The following PIBF1 variants were observed in gnomAD, a reference collection of about 807,000 sequenced individuals.
The protein encoded by PIBF1 is progesterone-induced-blocking factor 1.
A neutral mutation model predicts 112.5 loss-of-function variants in PIBF1; 90 were observed. That is an observed-to-expected ratio of 0.80 (90% CI 0.67 to 0.95). PIBF1 has a LOEUF of 0.95. PIBF1 is among the 40% of genes least tolerant of loss of function. PIBF1 has a pLI of 0.00. For missense variants in PIBF1, 915 were observed against 852.3 expected, an observed-to-expected ratio of 1.07 and a Z score of -0.92; for synonymous variants, 301 against 288.6, an observed-to-expected ratio of 1.04 and a Z score of -0.44.
intron 9 of PIBF1, among the ~76,000 whole-genome samples, chr13:72,836,291 T>A (rs2037358552): frequency 6.6e-6 from 1 of 152,104 alleles, no homozygotes; most frequent in Non-Finnish European, 1.5e-5. Flanking sequence ...AATGAGAAAA[T>A]TATTTTGAAA....
intron 17 of PIBF1, among the ~76,000 whole-genome samples, chr13:73,013,788 A>G (rs937887764): frequency 1.3e-5 from 2 of 151,998 alleles, no homozygotes; most frequent in African/African-American, 2.4e-5. Flanking sequence ...GCCCGAGGAA[A>G]ATAACACCTT....
chr13:73,016,205 G>GA lies in PIBF1; in HGVS notation c.*286_*287insA. 1 of 159,736 alleles carries GA rather than the reference G, an allele frequency of 6.3e-6. No individual in the cohort carries two copies. Among genetic ancestry groups the GA allele is most frequent in the Non-Finnish European group, 1.4e-5 (1 of 73,650 alleles). The allele number at this position is 159,736 out of a possible 1,614,324, so 9.9% of individuals were successfully genotyped here. The stretch of plus-strand genomic sequence containing the variant: ...TAAGTGTGTGGCTTATAAATATTTT[G>GA]GTATTTTTCTATACTACGTAAATTC... On this transcript the variant is annotated 3_prime_UTR_variant, in exon 18 of 18. Coordinates refer to ENST00000326291, the MANE Select transcript of PIBF1 (RefSeq NM_006346.4).
chr13:72,968,569 G>A (rs2042809995), intron 15 of PIBF1, among the ~76,000 whole-genome samples: 1 of 151,982 alleles, frequency 6.6e-6, no homozygotes, highest in Admixed American at 6.6e-5. Context: ...CCAAAGTGCT[G>A]GGATTACAGG....
At position 72,808,159 on chromosome 13, in the gene PIBF1, C is replaced by G. The variant is rs143931017; in HGVS notation, c.672+10133C>G. On this transcript the variant is annotated intron_variant, in intron 5 of 17. Transcript: ENST00000326291. ...TTTTTTGTGTGGACATGTTTTTTCTCTTGAGTAAGTACTTAAGTGTGGAAT... is the reference window on the plus strand; with the variant it reads ...TTTTTTGTGTGGACATGTTTTTTCTGTTGAGTAAGTACTTAAGTGTGGAAT... Among the ~76,000 whole-genome samples the G allele has an allele frequency of 1.1e-4, 17 of 151,098 alleles. No individual in the cohort carries two copies. In the East Asian group the frequency reaches 3.3e-3, roughly 29 times the overall value.
intron 10 of PIBF1, among the ~76,000 whole-genome samples, chr13:72,866,129 G>T (rs1409202825): frequency 1.3e-5 from 2 of 152,104 alleles, no homozygotes; most frequent in African/African-American, 4.8e-5. Flanking sequence ...CTGTCTTCAT[G>T]TGGCTTTCTC....
intron 14 of PIBF1, among the ~76,000 whole-genome samples, chr13:72,941,879 A>G (rs947384669): frequency 1.3e-5 from 2 of 152,154 alleles, no homozygotes; most frequent in African/African-American, 4.8e-5. Context: ...TACAGAGAGG[A>G]TGGGATTGTG....
At chr13:72,808,549 C>T (rs974399988) in intron 5 of PIBF1, among the ~76,000 whole-genome samples, 4 of 152,192 alleles carry the variant, frequency 2.6e-5, no homozygotes, top group African/African-American at 9.7e-5. Flanking sequence ...TGGTTGTACT[C>T]AAACAGCATA....
At chr13:72,919,662 A>G (rs112520091) in intron 13 of PIBF1, among the ~76,000 whole-genome samples, 3,370 of 152,244 alleles carry the variant, frequency 0.022, 136 homozygotes, top group African/African-American at 0.077. Context: ...CCTTCAAAAG[A>G]ATCTTTGTTA....
intron 10 of PIBF1, among the ~76,000 whole-genome samples, chr13:72,870,624 A>G (rs1029241421): frequency 3.9e-5 from 6 of 152,144 alleles, no homozygotes; most frequent in African/African-American, 1.4e-4. Context: ...ACATATATAC[A>G]TATTTATATT....
At chr13:72,996,815 C>A (rs1194427149) in intron 16 of PIBF1, among the ~76,000 whole-genome samples, 3 of 151,888 alleles carry the variant, frequency 2.0e-5, no homozygotes, top group African/African-American at 7.3e-5. Context: ...AATTTACCAT[C>A]GATATAAGTT....
intron 9 of PIBF1, among the ~76,000 whole-genome samples, chr13:72,838,983 A>G (rs1339154722): frequency 6.6e-6 from 1 of 152,216 alleles, no homozygotes; most frequent in African/African-American, 2.4e-5. Flanking sequence ...GAGATGAAAC[A>G]GAAGCAGGAA....
At chr13:72,916,645 T>C (rs970142904) in intron 12 of PIBF1, among the ~76,000 whole-genome samples, 3 of 152,028 alleles carry the variant, frequency 2.0e-5, no homozygotes, top group African/African-American at 7.2e-5. Context: ...CATAATTTTA[T>C]TGTTGCAAAT....
At chr13:72,801,486 G>A (rs1465212259) in intron 5 of PIBF1, among the ~76,000 whole-genome samples, 1 of 152,024 alleles carries the variant, frequency 6.6e-6, no homozygotes, top group East Asian at 1.9e-4. Flanking sequence ...ATTTATCAAA[G>A]CATGCATACA....
Position 72,954,815 on chromosome 13 carries a change from G to GA in PIBF1, c.1834-10452dup, listed in dbSNP as rs35589523. ...GTTAAATTCTTGTGTTGCTTCTTGT[G>GA]AAAAAAAGTTCACAGTGTGAATCTC... is the stretch of plus-strand genomic sequence containing the variant. On this transcript the variant is annotated intron_variant, in intron 14 of 17. Coordinates refer to ENST00000326291, the MANE Select transcript of PIBF1 (RefSeq NM_006346.4). Among the ~76,000 whole-genome samples, 1,398 of 152,184 alleles carry GA rather than the reference G, an allele frequency of 9.2e-3. 12 individuals are homozygous for GA. The highest frequency in any genetic ancestry group is 0.028 in the South Asian group (133 of 4,824).
intron 16 of PIBF1, among the ~76,000 whole-genome samples, chr13:72,980,162 G>T (rs556279326): frequency 6.6e-6 from 1 of 152,212 alleles, no homozygotes; most frequent in African/African-American, 2.4e-5. Context: ...CCAAGAAAGA[G>T]AATTCATCTG....
In PIBF1 at chr13:72,927,974, T is replaced by TAC. The variant is rs1214148060; in HGVS notation, c.1731-3190_1731-3189insCA. ...ATATATATATACACATATATATATATATACATATATATATACACACACATA... is the reference window on the plus strand; with the variant it reads ...ATATATATATACACATATATATATATACATACATATATATATACACACACATA... On this transcript the variant is annotated intron_variant, in intron 13 of 17. Coordinates refer to ENST00000326291, the MANE Select transcript of PIBF1 (RefSeq NM_006346.4). 3.9e-3 allele frequency among the ~76,000 whole-genome samples: 365 copies of TAC among 93,474 alleles called. 5 individuals are homozygous for TAC. Among genetic ancestry groups the TAC allele is most frequent in the African/African-American group, 0.012 (314 of 26,630 alleles). 61.3% of individuals were successfully genotyped at this position (93,474 alleles called of 152,430 possible).
At chr13:72,971,905 C>G (rs2042900783) in intron 15 of PIBF1, among the ~76,000 whole-genome samples, 2 of 149,652 alleles carry the variant, frequency 1.3e-5, no homozygotes, top group African/African-American at 4.9e-5. Context: ...CCTCTTAAGT[C>G]CTTTGAATTA....
At position 72,974,562 on chromosome 13, in the gene PIBF1, G is replaced by A. The variant is rs138692458; in HGVS notation, c.2049+887G>A. 7.6e-3 allele frequency among the ~76,000 whole-genome samples: 1,156 copies of A among 152,114 alleles called. 14 individuals are homozygous for A. The highest frequency in any genetic ancestry group is 0.014 in the Middle Eastern group (4 of 294). ...ATAATATATTGACCTCAAGTGATCC[G>A]CCTGCATCAGCCTCCCAAAGTGCTG... On this transcript the variant is annotated intron_variant, in intron 16 of 17. Transcript: ENST00000326291.
At chr13:72,882,701 T>C (rs537090897) in intron 10 of PIBF1, among the ~76,000 whole-genome samples, 1 of 152,220 alleles carries the variant, frequency 6.6e-6, no homozygotes, top group Non-Finnish European at 1.5e-5. Flanking sequence ...TCAATATCAC[T>C]GATCATCAGA....
Sources: gnomAD v4.1 joint callset for allele counts (sites outside exome capture counted in the v4.1 genomes callset) on GRCh38, gnomAD v4.1.1 for gene constraint, MANE v1.5 for transcripts, NCBI Gene and HGNC (gene_info 2026-07-23, HGNC 2026-07-21) for gene names.